The following GPR143 variants were observed in gnomAD, a reference collection of about 807,000 sequenced individuals.
GPR143 encodes the protein G protein-coupled receptor 143.
Under a neutral mutation model 27.6 loss-of-function variants are expected in GPR143, and 8 were observed. The ratio of observed to expected loss-of-function variants is 0.29; its 90% CI spans 0.17 to 0.52. The LOEUF (loss-of-function observed/expected upper bound fraction) is 0.52, where lower values mean the gene tolerates loss of function less well. Ranked by LOEUF, GPR143 falls within the 20% of genes least tolerant of loss-of-function variation. GPR143 has a pLI of 0.96. For missense variants in GPR143, 303 were observed against 343.1 expected, an observed-to-expected ratio of 0.88 and a Z score of 0.92; for synonymous variants, 156 against 153.2, an observed-to-expected ratio of 1.02 and a Z score of -0.13.
At chrX:9,738,550 T>C in intron 8 of GPR143, 2 of 732,461 alleles carry the variant, frequency 2.7e-6, no homozygotes, top group Non-Finnish European at 3.2e-6. Context: ...TTCATCACCA[T>C]ATTTTTTGGT....
chrX:9,757,449 C>T (rs140421095), intron 3 of GPR143, among the ~76,000 whole-genome samples: 1,539 of 112,373 alleles, frequency 0.014, 35 homozygotes, highest in African/African-American at 0.046. Context: ...TGTGACAACA[C>T]GGATAAACCG....
chrX:9,774,299 G>A (rs2083564108), intron 1 of GPR143, among the ~76,000 whole-genome samples: 1 of 112,696 alleles, frequency 8.9e-6, no homozygotes, highest in Non-Finnish European at 1.9e-5. Context: ...CTTGTGGGCT[G>A]TCTCCAAGGC....
intron 8 of GPR143, among the ~76,000 whole-genome samples, chrX:9,732,409 G>C (rs987901048): frequency 4.5e-5 from 5 of 111,575 alleles, no homozygotes; most frequent in African/African-American, 1.6e-4. Context: ...GGAAAGAGCT[G>C]CAATTGTGGG....
At chrX:9,726,598 A>G (rs2083328796) in intron 8 of GPR143, among the ~76,000 whole-genome samples, 1 of 112,124 alleles carries the variant, frequency 8.9e-6, no homozygotes, top group Non-Finnish European at 1.9e-5. Flanking sequence ...CATTCCCTTC[A>G]TGAGAAATCG....
chrX:9,752,909 G>A (rs568101432), intron 3 of GPR143, among the ~76,000 whole-genome samples: 178 of 110,963 alleles, frequency 1.6e-3, no homozygotes, highest in Middle Eastern at 9.3e-3. Flanking sequence ...GGAGCTGGGC[G>A]TGGCTGGAGT....
intron 1 of GPR143, among the ~76,000 whole-genome samples, chrX:9,771,324 G>T (rs908459445): frequency 2.7e-5 from 3 of 111,739 alleles, no homozygotes; most frequent in Non-Finnish European, 5.6e-5. Flanking sequence ...GCCTCCCAGA[G>T]TGCCGAAATT....
chrX:9,737,610 G>A (rs1445522629), intron 8 of GPR143, among the ~76,000 whole-genome samples: 1 of 111,818 alleles, frequency 8.9e-6, no homozygotes, highest in Non-Finnish European at 1.9e-5. Context: ...TTTCTGCAAC[G>A]ATGAACATGT....
intron 8 of GPR143, among the ~76,000 whole-genome samples, chrX:9,735,186 C>A (rs758942721): frequency 9.8e-5 from 11 of 112,292 alleles, no homozygotes; most frequent in Non-Finnish European, 1.5e-4. Context: ...CTTCCACGCC[C>A]ATGCACTGGG....
chrX:9,776,481 G>T (rs1982954639), intron 1 of GPR143, among the ~76,000 whole-genome samples: 1 of 108,214 alleles, frequency 9.2e-6, no homozygotes, highest in African/African-American at 3.4e-5. Context: ...CAGCTCCTGG[G>T]TTCAAGGCAT....
chrX:9,761,701 T>C lies in GPR143; in HGVS notation c.251-875A>G, dbSNP rs574044491. ...CCTTTAACATTTATTCTTTGTGAGT[T>C]TCTCTTGCTATTAGACCCAAATGTC... On this transcript the variant is annotated intron_variant, in intron 1 of 8. Transcript: ENST00000467482. 6.6e-4 allele frequency among the ~76,000 whole-genome samples: 74 copies of C among 112,897 alleles called. No homozygotes were observed. In the South Asian group the frequency reaches 0.025, roughly 38 times the overall value.
chrX:9,774,677 G>C (rs1186299259), intron 1 of GPR143, among the ~76,000 whole-genome samples: 1 of 112,021 alleles, frequency 8.9e-6, no homozygotes, highest in African/African-American at 3.2e-5. Context: ...TCTCCATCCA[G>C]AATTAAATGT....
intron 8 of GPR143, among the ~76,000 whole-genome samples, chrX:9,734,080 CAAA>C (rs34722888): frequency 3.5e-5 from 2 of 57,875 alleles, no homozygotes; most frequent in South Asian, 1.0e-3. Flanking sequence ...AACTCTGTCT[CAAA>C]AAAAAAAAAA....
At chrX:9,743,257 C>T (rs1250226218) in intron 6 of GPR143, among the ~76,000 whole-genome samples, 3 of 106,936 alleles carry the variant, frequency 2.8e-5, no homozygotes, top group Non-Finnish European at 5.8e-5. Flanking sequence ...TACGCAACCC[C>T]TTTGTTTTGG....
intron 1 of GPR143, among the ~76,000 whole-genome samples, chrX:9,761,259 A>G (rs929703647): frequency 9.0e-6 from 1 of 110,788 alleles, no homozygotes; most frequent in Non-Finnish European, 1.9e-5. Context: ...ACGCCCAGCT[A>G]ATTTTTGTAT....
intron 1 of GPR143, among the ~76,000 whole-genome samples, chrX:9,771,228 A>T (rs2083553561): frequency 9.2e-6 from 1 of 108,737 alleles, no homozygotes; most frequent in Admixed American, 9.8e-5. Flanking sequence ...CTGGCTAATT[A>T]AAAAAAAAAT....
At chrX:9,763,904 T>C (rs779713869) in intron 1 of GPR143, among the ~76,000 whole-genome samples, 25 of 112,804 alleles carry the variant, frequency 2.2e-4, no homozygotes, top group Non-Finnish European at 3.9e-4. Flanking sequence ...CAAATGCACA[T>C]GAACAACATA....
chrX:9,750,849 C>T (rs1601881647), intron 3 of GPR143, among the ~76,000 whole-genome samples: 1 of 112,672 alleles, frequency 8.9e-6, no homozygotes, highest in South Asian at 3.6e-4. Flanking sequence ...AGGCATGAGC[C>T]GCCGTGCCCG....
intron 6 of GPR143, 50 bp downstream of exon 6, chrX:9,743,515 T>G (rs749957227): frequency 1.4e-6 from 1 of 699,162 alleles, no homozygotes; most frequent in Admixed American, 2.2e-5. Flanking sequence ...GTTGTTTCCA[T>G]AGCCCTTCCC....
At chrX:9,765,026 A>AAT (rs2083523009) in intron 1 of GPR143, among the ~76,000 whole-genome samples, 1 of 77,573 alleles carries the variant, frequency 1.3e-5, no homozygotes, top group Admixed American at 1.3e-4. Context: ...TCCGTCTCAA[A>AAT]AAAAAAAAAA....
Sources: allele counts gnomAD v4.1 joint callset (sites outside exome capture counted in the v4.1 genomes callset), GRCh38; gene constraint gnomAD v4.1.1; transcripts MANE v1.5; gene names NCBI Gene and HGNC (gene_info 2026-07-23, HGNC 2026-07-21).